Variants in GDF6 observed in about 807,000 individuals in gnomAD.
GDF6 encodes the protein growth/differentiation factor 6.
GDF6 carries 3 observed loss-of-function variants against 32.4 expected under a neutral mutation model. The ratio of observed to expected loss-of-function variants is 0.09; its 90% CI spans 0.04 to 0.24. GDF6 has a LOEUF of 0.24. Ranked by LOEUF, GDF6 falls within the 10% of genes least tolerant of loss-of-function variation. GDF6 has a pLI of 1.00. For missense variants in GDF6, 589 were observed against 637.9 expected, an observed-to-expected ratio of 0.92 and a Z score of 0.83; for synonymous variants, 296 against 295.3, an observed-to-expected ratio of 1.00 and a Z score of -0.03.
At chr8:96,158,655 C>G (rs1413495829) in intron 1 of GDF6, among the ~76,000 whole-genome samples, 1 of 152,134 alleles carries the variant, frequency 6.6e-6, no homozygotes, top group Admixed American at 6.5e-5. Context: ...AGCCTCCTTC[C>G]GCAATTGTAG....
At position 96,144,416 on chromosome 8, in the gene GDF6, C is replaced by T; in HGVS notation, c.*147G>A. Reference sequence around the variant, plus strand: ...TGGGAAGGCTGCGCTCCCTTCTCTCCCACCGGCTCTCACATCCAGGCTGTT... The same window carrying T: ...TGGGAAGGCTGCGCTCCCTTCTCTCTCACCGGCTCTCACATCCAGGCTGTT... On this transcript the variant is annotated 3_prime_UTR_variant, in exon 2 of 2. Transcript: ENST00000287020. The surrounding 1 kb of genome is among the most constrained non-coding windows in gnomAD (Gnocchi z 5.1). 1.1e-6 allele frequency: 1 copy of T among 916,456 alleles called. No homozygotes were observed. Among genetic ancestry groups the T allele is most frequent in the Non-Finnish European group, 1.6e-6 (1 of 616,282 alleles). The allele number at this position is 916,456 out of a possible 1,614,324, so 56.8% of individuals were successfully genotyped here. A position where few individuals can be genotyped will look rare whatever the true frequency, so the allele number is the denominator to read the frequency against.
In GDF6 at chr8:96,145,591, C is replaced by T. The variant is rs1812465556; in HGVS notation, c.407-67G>A. 1.3e-6 allele frequency: 2 copies of T among 1,588,916 alleles called. No individual in the cohort carries two copies. Among genetic ancestry groups the T allele is most frequent in the African/African-American group, 1.3e-5 (1 of 74,846 alleles). On this transcript the variant is annotated intron_variant, in intron 1 of 1. Coordinates refer to ENST00000287020, the MANE Select transcript of GDF6 (RefSeq NM_001001557.4). This position sits in a 1 kb window ranked among gnomAD's most constrained non-coding sequence, Gnocchi z 5.6. ...GGAGATCAGCCCGGTGCTCTTCGGC[C>T]GCCCCGGGAGGAAAAGGGCGGGGAG...
intron 1 of GDF6, among the ~76,000 whole-genome samples, chr8:96,149,356 G>A (rs946756647): frequency 6.6e-6 from 1 of 152,104 alleles, no homozygotes; most frequent in African/African-American, 2.4e-5. Context: ...CTCTGTTAAC[G>A]GTGTTTGCTG....
chr8:96,154,947 C>T (rs982592795), intron 1 of GDF6, among the ~76,000 whole-genome samples: 17 of 152,158 alleles, frequency 1.1e-4, no homozygotes, highest in Admixed American at 6.5e-4. Context: ...CCCTGCGTTC[C>T]CCGCGGGTCC....
rs1563507964 is a variant in GDF6, at chr8:96,144,284, GAGAGA to G, written c.*274_*278del. The G allele has an allele frequency of 2.5e-5, 12 of 480,668 alleles. No homozygotes were observed. The highest frequency in any genetic ancestry group is 2.4e-4 in the African/African-American group (11 of 45,060). The allele number at this position is 480,668 out of a possible 1,614,324, so 29.8% of individuals were successfully genotyped here. A position where few individuals can be genotyped will look rare whatever the true frequency, so the allele number is the denominator to read the frequency against. ...AGAGAGAGAGAGAGAGAGAGAGAGA[GAGAGA>G]GAAAACAGAACAAAAGAAATCCTCC... On this transcript the variant is annotated 3_prime_UTR_variant, in exon 2 of 2. Transcript: ENST00000287020. This position sits in a 1 kb window ranked among gnomAD's most constrained non-coding sequence, Gnocchi z 5.1.
Position 96,144,698 on chromosome 8 carries a change from G to A in GDF6, c.1233C>T (p.Asp411=), listed in dbSNP as rs774375234. ...AGCAGCTGGGCGGGGTGGAGCCGGG[G>A]TCCATGGAGTTCATCAGCGTCTGGA... is the stretch of plus-strand genomic sequence containing the variant. The part of the protein sequence containing the change: ...AIIQTLMNSM[D]PGSTPPSCCV... The change falls in exon 2 of 2, where the codon GAC becomes GAT. Residue 411 remains aspartate (D), a synonymous_variant. Coordinates refer to ENST00000287020, the MANE Select transcript of GDF6 (RefSeq NM_001001557.4). This position sits in a 1 kb window ranked among gnomAD's most constrained non-coding sequence, Gnocchi z 5.1. 31 of 1,614,070 alleles carry A rather than the reference G, an allele frequency of 1.9e-5. No individual in the cohort carries two copies. The highest frequency in any genetic ancestry group is 6.7e-5 in the Admixed American group (4 of 60,014).
intron 1 of GDF6, among the ~76,000 whole-genome samples, chr8:96,156,377 CCTCTCTCT>C (rs10569146): frequency 0.35 from 49,238 of 140,756 alleles, 10,141 homozygotes; most frequent in Non-Finnish European, 0.47. Context: ...TCTCTCTTTC[CCTCTCTCT>C]CTCTCTCTCT....
intron 1 of GDF6, among the ~76,000 whole-genome samples, chr8:96,154,303 G>GCGCCGCC (rs1812622705): frequency 6.6e-6 from 1 of 152,016 alleles, no homozygotes; most frequent in African/African-American, 2.4e-5. Context: ...ACGTTGTCCA[G>GCGCCGCC]CGCCGCCCGC....
intron 1 of GDF6, among the ~76,000 whole-genome samples, chr8:96,155,067 G>A (rs1012130114): frequency 6.6e-6 from 1 of 152,212 alleles, no homozygotes; most frequent in Non-Finnish European, 1.5e-5. Context: ...GTGATCTGTG[G>A]TCTGAGTGAC....
At position 96,160,750 on chromosome 8, in the gene GDF6, G is replaced by GGCACGGA; in HGVS notation, c.-65_-59dup. 1 of 1,571,234 alleles carries GGCACGGA rather than the reference G, an allele frequency of 6.4e-7. No individual in the cohort carries two copies. The highest frequency in any genetic ancestry group is 8.7e-7 in the Non-Finnish European group (1 of 1,147,904). On this transcript the variant is annotated 5_prime_UTR_variant, in exon 1 of 2. Coordinates refer to ENST00000287020, the MANE Select transcript of GDF6 (RefSeq NM_001001557.4). ...GGTGGCGGCGGCGCAGGACGCGCGG[G>GGCACGGA]GCACGGAGCGGCTGGACAGCGGCCG...
In GDF6 at chr8:96,145,809, C is replaced by G. The variant is rs544070201; in HGVS notation, c.407-285G>C. Reference sequence around the variant, plus strand: ...CGGCGGCGGCGGCCTACCGGGTTTTCCCCCCAAAAGGCTTCGTAACCACTA... The same window carrying G: ...CGGCGGCGGCGGCCTACCGGGTTTTGCCCCCAAAAGGCTTCGTAACCACTA... On this transcript the variant is annotated intron_variant, in intron 1 of 1. Transcript: ENST00000287020. This position sits in a 1 kb window ranked among gnomAD's most constrained non-coding sequence, Gnocchi z 5.6. 6.6e-6 allele frequency among the ~76,000 whole-genome samples: 1 copy of G among 152,138 alleles called. No homozygotes were observed. The highest frequency in any genetic ancestry group is 1.5e-5 in the Non-Finnish European group (1 of 68,010).
Position 96,160,270 on chromosome 8 carries a change from T to A in GDF6, c.406+17A>T. 1 of 1,614,008 alleles carries A rather than the reference T, an allele frequency of 6.2e-7. No homozygotes were observed. The highest frequency in any genetic ancestry group is 8.5e-7 in the Non-Finnish European group (1 of 1,179,936). Reference sequence around the variant, plus strand: ...GCTCCAGCGGGAGGGGAGTCGAGCGTTTTCTTTGCCACTTACCTAGTCCCC... The same window carrying A: ...GCTCCAGCGGGAGGGGAGTCGAGCGATTTCTTTGCCACTTACCTAGTCCCC... On this transcript the variant is annotated intron_variant, in intron 1 of 1. Coordinates refer to ENST00000287020, the MANE Select transcript of GDF6 (RefSeq NM_001001557.4).
chr8:96,160,405 C>T lies in GDF6; in HGVS notation c.288G>A (p.Glu96=). Residue 96 remains glutamate (E), a synonymous_variant, in exon 1 of 2, where the codon GAG becomes GAA. Coordinates refer to ENST00000287020, the MANE Select transcript of GDF6 (RefSeq NM_001001557.4). Reference sequence around the variant, plus strand: ...AAGTCCTGTAGATTGACAGCATGTACTCGTGGGGCACCACGCGCGGACCCC... The same window carrying T: ...AAGTCCTGTAGATTGACAGCATGTATTCGTGGGGCACCACGCGCGGACCCC... ...PGRGPRVVPH[E]YMLSIYRTYS... is the part of the protein sequence containing the mutation. The T allele has an allele frequency of 6.2e-7, 1 of 1,614,186 alleles. No homozygotes were observed. The highest frequency in any genetic ancestry group is 2.2e-5 in the East Asian group (1 of 44,860).
At position 96,144,291 on chromosome 8, in the gene GDF6, A is replaced by AGAGAGAGAGAGAGAGAGAGAGAGAGAG. The variant is rs1554571161; in HGVS notation, c.*271_*272insCTCTCTCTCTCTCTCTCTCTCTCTCTC. 4.1e-6 allele frequency: 2 copies of AGAGAGAGAGAGAGAGAGAGAGAGAGAG among 487,944 alleles called. No individual in the cohort carries two copies. The highest frequency in any genetic ancestry group is 2.4e-5 in the African/African-American group (1 of 41,306). 30.2% of individuals were successfully genotyped at this position (487,944 alleles called of 1,614,324 possible). ...GAGAGAGAGAGAGAGAGAGAGAGAG[A>AGAGAGAGAGAGAGAGAGAGAGAGAGAG]AAACAGAACAAAAGAAATCCTCCTT... On this transcript the variant is annotated 3_prime_UTR_variant, in exon 2 of 2. Coordinates refer to ENST00000287020, the MANE Select transcript of GDF6 (RefSeq NM_001001557.4). This position sits in a 1 kb window ranked among gnomAD's most constrained non-coding sequence, Gnocchi z 5.1.
chr8:96,158,058 A>G (rs1428024323), intron 1 of GDF6, among the ~76,000 whole-genome samples: 2 of 152,040 alleles, frequency 1.3e-5, no homozygotes, highest in East Asian at 3.9e-4. Flanking sequence ...CTTTCTTCGC[A>G]TTTTCTGAGA....
chr8:96,152,364 G>A (rs1812583211), intron 1 of GDF6, among the ~76,000 whole-genome samples: 1 of 152,170 alleles, frequency 6.6e-6, no homozygotes, highest in South Asian at 2.1e-4. Context: ...CAGGGGTCAA[G>A]GCCAGTGACA....
At chr8:96,151,279 T>C (rs1812564667) in intron 1 of GDF6, among the ~76,000 whole-genome samples, 1 of 152,240 alleles carries the variant, frequency 6.6e-6, no homozygotes, top group African/African-American at 2.4e-5. Flanking sequence ...CCCAGCATAA[T>C]AATCGTTAAG....
rs960087355 is a variant in GDF6, at chr8:96,144,233, A to C, written c.*330T>G. The C allele has an allele frequency of 3.3e-5, 10 of 303,562 alleles. No individual in the cohort carries two copies. The highest frequency in any genetic ancestry group is 2.3e-4 in the African/African-American group (10 of 44,040). The allele number at this position is 303,562 out of a possible 1,614,324, so 18.8% of individuals were successfully genotyped here. ...CTGTAAGACACATAAGGAAATCCAA[A>C]GCCACAGTAATAGAGAGAGAGAGAG... On this transcript the variant is annotated 3_prime_UTR_variant, in exon 2 of 2. Transcript: ENST00000287020. This position sits in a 1 kb window ranked among gnomAD's most constrained non-coding sequence, Gnocchi z 5.1.
chr8:96,155,015 G>C (rs947281768), intron 1 of GDF6, among the ~76,000 whole-genome samples: 18 of 152,198 alleles, frequency 1.2e-4, no homozygotes, highest in Admixed American at 1.3e-4. Context: ...GATTCAATTG[G>C]GGGGTGGGGA....
Sources: allele counts gnomAD v4.1 joint callset (sites outside exome capture counted in the v4.1 genomes callset), GRCh38; gene constraint gnomAD v4.1.1; non-coding constraint Gnocchi (gnomAD v3.1); transcripts MANE v1.5; gene names NCBI Gene and HGNC (gene_info 2026-07-23, HGNC 2026-07-21).